Variants in OR1B1 observed in about 807,000 individuals in gnomAD.
The protein encoded by OR1B1 is olfactory receptor 1B1.
For synonymous variants in OR1B1, 168 were observed against 156.2 expected (o/e 1.08, Z -0.57); for missense variants, 414 against 402.1 (o/e 1.03, Z -0.25).
At chr9:122,654,399 G>A in the OR1B1 span, among the ~76,000 whole-genome samples, 10 of 152,250 alleles carry the variant, frequency 6.6e-5, no homozygotes, top group South Asian at 2.1e-4. Flanking sequence ...TGTTTCCTTC[G>A]TGGGAACTCA....
At chr9:122,628,175 A>G (rs1024711), downstream of OR1B1, among the ~76,000 whole-genome samples, 70,310 of 151,852 alleles carry the variant, frequency 0.46, 16,751 homozygotes, top group Non-Finnish European at 0.51. Flanking sequence ...TCTGATATAC[A>G]CAAACACACT....
At position 122,629,414 on chromosome 9, in the gene OR1B1, A is replaced by G. The variant is rs746485557; in HGVS notation, c.122T>C (p.Ile41Thr). 2 of 1,613,972 alleles carry G rather than the reference A, an allele frequency of 1.2e-6. No individual in the cohort carries two copies. Among genetic ancestry groups the G allele is most frequent in the Non-Finnish European group, 1.7e-6 (2 of 1,179,926 alleles). Residue 41 changes from isoleucine (I) to threonine (T), a missense_variant, in exon 1 of 1, where the codon ATA becomes ACA. Coordinates refer to ENST00000623530, the Ensembl canonical transcript of OR1B1. ...CAGCACCAGTGTCACATTCCCCAGT[A>G]TGGTGGTCAGGTAAATAGCCAGGAA... is the stretch of plus-strand genomic sequence containing the variant.
chr9:122,644,826 C>T, the OR1B1 span, among the ~76,000 whole-genome samples: 1 of 152,180 alleles, frequency 6.6e-6, no homozygotes, highest in African/African-American at 2.4e-5. Flanking sequence ...GACAGGCACA[C>T]GCAAGCCCAG....
At chr9:122,646,840 A>G in the OR1B1 span, among the ~76,000 whole-genome samples, 7 of 152,160 alleles carry the variant, frequency 4.6e-5, no homozygotes, top group Middle Eastern at 3.2e-3. Context: ...TGATGAACCA[A>G]TCAAAAATAA....
exon 1 of OR1B1, chr9:122,628,772 C>T: frequency 6.2e-7 from 1 of 1,614,068 alleles, no homozygotes; most frequent in Non-Finnish European, 8.5e-7. Flanking sequence ...GTAGAGGAAA[C>T]CAACCATGGT....
upstream of OR1B1, among the ~76,000 whole-genome samples, chr9:122,630,662 C>G (rs1830194532): frequency 6.6e-6 from 1 of 152,086 alleles, no homozygotes; most frequent in Non-Finnish European, 1.5e-5. Flanking sequence ...TACCTAACTT[C>G]TCTTAGAATT....
At chr9:122,654,871 A>G in the OR1B1 span, among the ~76,000 whole-genome samples, 1 of 152,244 alleles carries the variant, frequency 6.6e-6, no homozygotes, top group Admixed American at 6.5e-5. Flanking sequence ...AGGCTAAATA[A>G]TATAGCACAG....
At chr9:122,646,787 T>C in the OR1B1 span, among the ~76,000 whole-genome samples, 2 of 152,240 alleles carry the variant, frequency 1.3e-5, no homozygotes, top group Middle Eastern at 6.8e-3. Context: ...AGCACACCGC[T>C]ATAATTGTGG....
chr9:122,648,681 T>C, the OR1B1 span, among the ~76,000 whole-genome samples: 3 of 151,992 alleles, frequency 2.0e-5, no homozygotes, highest in Admixed American at 2.0e-4. Context: ...TACCTAGAAA[T>C]ACAACTTACA....
chr9:122,644,907 G>A, the OR1B1 span, among the ~76,000 whole-genome samples: 29 of 152,034 alleles, frequency 1.9e-4, no homozygotes, highest in African/African-American at 6.5e-4. Flanking sequence ...AAGCATCAAC[G>A]TCATCCAAGA....
At chr9:122,637,283 A>G in the OR1B1 span, 1 of 151,864 alleles carries the variant, frequency 6.6e-6, no homozygotes, top group Non-Finnish European at 1.5e-5. Flanking sequence ...ACAAATACTG[A>G]CTCTCTTCTC....
upstream of OR1B1, among the ~76,000 whole-genome samples, chr9:122,630,714 G>T (rs896313162): frequency 6.6e-6 from 1 of 151,734 alleles, no homozygotes; most frequent in Non-Finnish European, 1.5e-5. Flanking sequence ...TTTTGTTTTT[G>T]TTTTTGTTTT....
At chr9:122,631,990 T>C (rs1830208372), upstream of OR1B1, among the ~76,000 whole-genome samples, 1 of 152,012 alleles carries the variant, frequency 6.6e-6, no homozygotes, top group Non-Finnish European at 1.5e-5. Context: ...AAAATCAACA[T>C]AAAAATTATC....
the OR1B1 span, among the ~76,000 whole-genome samples, chr9:122,638,174 A>C: frequency 6.6e-6 from 1 of 152,226 alleles, no homozygotes; most frequent in African/African-American, 2.4e-5. Context: ...ATATGCAGGA[A>C]AATAATGAAT....
chr9:122,643,251 A>AC, the OR1B1 span, among the ~76,000 whole-genome samples: 2 of 151,760 alleles, frequency 1.3e-5, no homozygotes, highest in Non-Finnish European at 2.9e-5. Context: ...CCCCTCCCTG[A>AC]CCCCCCAACA....
chr9:122,631,579 T>C, upstream of OR1B1, among the ~76,000 whole-genome samples: 1 of 152,024 alleles, frequency 6.6e-6, no homozygotes. Flanking sequence ...CTAAAAACTA[T>C]CTGTGATTAT....
At chr9:122,650,745 C>T in the OR1B1 span, among the ~76,000 whole-genome samples, 6 of 152,132 alleles carry the variant, frequency 3.9e-5, no homozygotes, top group African/African-American at 1.2e-4. Flanking sequence ...TTGTCCCAGC[C>T]GGGCGCGGTG....
chr9:122,635,820 T>C, the OR1B1 span, among the ~76,000 whole-genome samples: 1 of 152,140 alleles, frequency 6.6e-6, no homozygotes, highest in African/African-American at 2.4e-5. Flanking sequence ...ATAGACACTA[T>C]GTTAGGGAAA....
upstream of OR1B1, among the ~76,000 whole-genome samples, chr9:122,633,976 A>G (rs1358455463): frequency 3.3e-5 from 5 of 151,478 alleles, no homozygotes. Context: ...GTATTAGTCT[A>G]TTTTCACACT....
Sources: gnomAD v4.1 joint callset for allele counts (sites outside exome capture counted in the v4.1 genomes callset) on GRCh38, gnomAD v4.1.1 for gene constraint, MANE v1.5 for transcripts, NCBI Gene and HGNC (gene_info 2026-07-23, HGNC 2026-07-21) for gene names.